The following SNX29 variants were observed in gnomAD, a reference collection of about 807,000 sequenced individuals.
The protein encoded by SNX29 is sorting nexin 29.
Under a neutral mutation model 102.1 loss-of-function variants are expected in SNX29, and 78 were observed. The ratio of observed to expected loss-of-function variants is 0.76; its 90% confidence interval spans 0.64 to 0.92. The LOEUF (loss-of-function observed/expected upper bound fraction) is 0.92, where lower values mean the gene tolerates loss of function less well. Among genes scored for constraint, SNX29 ranks in the 40% least tolerant of loss-of-function variants. SNX29 has a pLI of 0.00. For missense variants in SNX29, 1,280 were observed against 1,061.7 expected, an observed-to-expected ratio of 1.21 and a Z score of -2.86; for synonymous variants, 580 against 414.5, an observed-to-expected ratio of 1.40 and a Z score of -4.85.
chr16:12,445,979 C>T lies in SNX29; in HGVS notation c.2038-31740C>T, dbSNP rs544995415. 5.3e-5 allele frequency among the ~76,000 whole-genome samples: 8 copies of T among 151,908 alleles called. No homozygotes were observed. In the South Asian group the frequency reaches 1.0e-3, roughly 20 times the overall value. Reference sequence around the variant, plus strand: ...CCAAGAGGTGGAGCTCCCGAGTCCACGCTTTCGCGCTGCACACCTGCTTCC... The same window carrying T: ...CCAAGAGGTGGAGCTCCCGAGTCCATGCTTTCGCGCTGCACACCTGCTTCC... On this transcript the variant is annotated intron_variant, in intron 18 of 20. Transcript: ENST00000566228.
At chr16:12,223,983 G>A (rs976970030) in intron 14 of SNX29, among the ~76,000 whole-genome samples, 3 of 152,200 alleles carry the variant, frequency 2.0e-5, no homozygotes, top group African/African-American at 7.2e-5. Context: ...GTGGATAATG[G>A]AGGCGAGAGT....
intron 9 of SNX29, among the ~76,000 whole-genome samples, chr16:12,063,351 C>G (rs528232216): frequency 8.7e-5 from 10 of 114,424 alleles, no homozygotes; most frequent in Admixed American, 1.8e-4. Flanking sequence ...CCCACCTCTT[C>G]TTTTCCTAGT....
intron 20 of SNX29, among the ~76,000 whole-genome samples, chr16:12,562,854 G>A (rs945184043): frequency 6.6e-6 from 1 of 152,106 alleles, no homozygotes; most frequent in Non-Finnish European, 1.5e-5. Context: ...CAACCCGACA[G>A]CTCCCGGTCT....
intron 11 of SNX29, among the ~76,000 whole-genome samples, chr16:12,111,312 C>G (rs1278064705): frequency 6.6e-6 from 1 of 152,198 alleles, no homozygotes; most frequent in Non-Finnish European, 1.5e-5. Context: ...CACTTTAGCA[C>G]AAAATCCATG....
chr16:12,136,071 C>G (rs1386441480), intron 13 of SNX29, among the ~76,000 whole-genome samples: 3 of 152,374 alleles, frequency 2.0e-5, no homozygotes, highest in Non-Finnish European at 4.4e-5. Flanking sequence ...TTGTGTCTCA[C>G]TGGGGCCAGC....
intron 15 of SNX29, among the ~76,000 whole-genome samples, chr16:12,327,216 A>T (rs1386237499): frequency 1.3e-5 from 2 of 152,090 alleles, no homozygotes; most frequent in Non-Finnish European, 2.9e-5. Flanking sequence ...GTGAAATCGC[A>T]GCCCCCATAA....
In SNX29 at chr16:12,573,978, C is replaced by T. The variant is rs2079239546; in HGVS notation, c.*5349C>T. On this transcript the variant is annotated 3_prime_UTR_variant, in exon 21 of 21. Coordinates refer to ENST00000566228, the MANE Select transcript of SNX29 (RefSeq NM_032167.5). ...GCGATGGTAACCCCACTAGGGGGCG[C>T]CCATGATCGGCTCCCAGTGCACCCC... The T allele has an allele frequency of 5.0e-6, 1 of 199,092 alleles. No individual in the cohort carries two copies. Among genetic ancestry groups the T allele is most frequent in the East Asian group, 7.8e-5 (1 of 12,842 alleles). The allele number at this position is 199,092 out of a possible 1,614,324, so 12.3% of individuals were successfully genotyped here. A position where few individuals can be genotyped will look rare whatever the true frequency, so the allele number is the denominator to read the frequency against.
chr16:12,305,799 G>C (rs1450322948), intron 15 of SNX29, among the ~76,000 whole-genome samples: 2 of 152,122 alleles, frequency 1.3e-5, no homozygotes, highest in Non-Finnish European at 2.9e-5. Context: ...CAGAAAGACT[G>C]TGTTTCCACT....
intron 16 of SNX29, among the ~76,000 whole-genome samples, chr16:12,380,120 G>T (rs1043154455): frequency 7.0e-6 from 1 of 143,512 alleles, no homozygotes; most frequent in South Asian, 2.1e-4. Context: ...TCTGGAAGCT[G>T]CACCAGCACA....
intron 20 of SNX29, among the ~76,000 whole-genome samples, chr16:12,568,151 G>C (rs200863699): frequency 2.6e-4 from 39 of 152,290 alleles, no homozygotes; most frequent in East Asian, 9.7e-4. Context: ...CTTGGACTTA[G>C]AAGCGTACCT....
chr16:12,144,482 A>T (rs914917034), intron 13 of SNX29, among the ~76,000 whole-genome samples: 6 of 152,018 alleles, frequency 3.9e-5, no homozygotes, highest in African/African-American at 1.2e-4. Flanking sequence ...TGAGCGCTCC[A>T]CCCCCCATGG....
In SNX29 at chr16:12,365,358, G is replaced by GTGTGTGTA. The variant is rs1485263456; in HGVS notation, c.1899+9086_1899+9087insATGTGTGT. 5.8e-3 allele frequency among the ~76,000 whole-genome samples: 871 copies of GTGTGTGTA among 150,474 alleles called. 12 individuals carry two copies. The highest frequency in any genetic ancestry group is 0.02 in the African/African-American group (820 of 40,468). On this transcript the variant is annotated intron_variant, in intron 16 of 20. Coordinates refer to ENST00000566228, the MANE Select transcript of SNX29 (RefSeq NM_032167.5). ...TGTGTGTGTGTGTGTGTGTGTGTGT[G>GTGTGTGTA]TGTGTGTTTAGCATACTCATCACAT... is the stretch of plus-strand genomic sequence containing the variant.
intron 20 of SNX29, among the ~76,000 whole-genome samples, chr16:12,553,030 A>G (rs1017604917): frequency 1.3e-5 from 2 of 152,334 alleles, no homozygotes; most frequent in East Asian, 3.9e-4. Context: ...CAGCTTTAAG[A>G]GGCTGGGGAC....
chr16:12,562,141 G>A (rs982356634), intron 20 of SNX29, among the ~76,000 whole-genome samples: 8 of 152,124 alleles, frequency 5.3e-5, no homozygotes, highest in Non-Finnish European at 7.4e-5. Flanking sequence ...AATGGCTCTG[G>A]CAATACCAGG....
Position 12,572,525 on chromosome 16 carries a change from C to A in SNX29, c.*3896C>A. On this transcript the variant is annotated 3_prime_UTR_variant, in exon 21 of 21. Coordinates refer to ENST00000566228, the MANE Select transcript of SNX29 (RefSeq NM_032167.5). ...GCCTTCCTGCTCCACGTGCTCAAGC[C>A]CCCACAGGGGGCTGCGACACCATCT... 1.9e-6 allele frequency: 2 copies of A among 1,064,140 alleles called. No homozygotes were observed. Among genetic ancestry groups the A allele is most frequent in the South Asian group, 4.6e-5 (1 of 21,968 alleles). The allele number at this position is 1,064,140 out of a possible 1,614,324, so 65.9% of individuals were successfully genotyped here.
At chr16:12,365,615 G>T (rs361744) in intron 16 of SNX29, among the ~76,000 whole-genome samples, 8 of 151,570 alleles carry the variant, frequency 5.3e-5, no homozygotes, top group South Asian at 2.1e-4. Context: ...GCTTGAACCC[G>T]GGTGGCGGAG....
In SNX29 at chr16:12,303,936, C is replaced by T. The variant is rs554477422; in HGVS notation, c.1782+25900C>T. On this transcript the variant is annotated intron_variant, in intron 15 of 20. Transcript: ENST00000566228. ...ATTCCCCCAGCTGAGCCTGTCTTGCCCATTTTCAGTGGCGTTTGAGGTTTG... is the reference window on the plus strand; with the variant it reads ...ATTCCCCCAGCTGAGCCTGTCTTGCTCATTTTCAGTGGCGTTTGAGGTTTG... 8.2e-4 allele frequency among the ~76,000 whole-genome samples: 125 copies of T among 152,230 alleles called. 1 individual carries two copies. The South Asian group carries it at 0.012, about 14-fold the overall frequency.
intron 20 of SNX29, among the ~76,000 whole-genome samples, chr16:12,553,451 T>TAGACCAGCTC (rs1348016763): frequency 6.6e-6 from 1 of 152,116 alleles, no homozygotes; most frequent in African/African-American, 2.4e-5. Flanking sequence ...GAGCATGGTG[T>TAGACCAGCTC]AGACCAGCTC....
intron 13 of SNX29, among the ~76,000 whole-genome samples, chr16:12,133,969 TC>T (rs1227999212): frequency 6.6e-6 from 1 of 152,230 alleles, no homozygotes; most frequent in African/African-American, 2.4e-5. Flanking sequence ...TTACTGGCTT[TC>T]CTAGAACAAG....
Sources: gnomAD v4.1 joint callset for allele counts (sites outside exome capture counted in the v4.1 genomes callset) on GRCh38, gnomAD v4.1.1 for gene constraint, MANE v1.5 for transcripts, NCBI Gene and HGNC (gene_info 2026-07-23, HGNC 2026-07-21) for gene names.